The following BOD1L1 variants were observed in gnomAD, a reference collection of about 807,000 sequenced individuals.
The protein encoded by BOD1L1 is biorientation of chromosomes in cell division protein 1-like 1.
Under a neutral mutation model 240.7 loss-of-function variants are expected in BOD1L1, and 86 were observed. That is an observed-to-expected ratio of 0.36 (90% CI 0.30 to 0.43). The LOEUF is 0.43. Ranked by LOEUF, BOD1L1 falls within the 20% of genes least tolerant of loss-of-function variation. BOD1L1 has a pLI of 1.00. For synonymous variants in BOD1L1, 1,268 were observed against 1,272.3 expected (o/e 1.00, Z 0.07); for missense variants, 3,554 against 3,643.5 (o/e 0.98, Z 0.63).
At chr4:13,611,263 T>C (rs1032205767) in intron 5 of BOD1L1, among the ~76,000 whole-genome samples, 163 bp from the exon 6 acceptor site, 2 of 152,222 alleles carry the variant, frequency 1.3e-5, no homozygotes, top group African/African-American at 4.8e-5. Context: ...AATTCATATT[T>C]TTATTTCTTA....
chr4:13,605,029 T>C lies in BOD1L1; in HGVS notation c.1871A>G (p.Lys624Arg), dbSNP rs1715581330. 6.2e-6 allele frequency: 10 copies of C among 1,601,808 alleles called. No homozygotes were observed. Among genetic ancestry groups the C allele is most frequent in the Non-Finnish European group, 7.6e-6 (9 of 1,176,708 alleles). Residue 624 changes from lysine (K) to arginine (R), a missense_variant, in exon 10 of 26, where the codon AAA becomes AGA. Around this residue, in one of 2 missense-constraint regions of BOD1L1, gnomAD observed 3,393 missense variants for 3,427.1 expected, o/e 0.99. Transcript: ENST00000040738. The stretch of plus-strand genomic sequence containing the variant: ...CCGGGCAGGTTTACTTGGTTCACTT[T>C]TTGCATGAACATGCTTCAGCTCCTT... The part of the protein sequence containing the change: ...SSKELKHVHA[K>R]SEPSKPARRL...
At chr4:13,607,589 C>T (rs1262913933) in intron 8 of BOD1L1, among the ~76,000 whole-genome samples, 7 of 152,166 alleles carry the variant, frequency 4.6e-5, no homozygotes, top group African/African-American at 1.7e-4. Flanking sequence ...TGAGCCACCG[C>T]GCCCAGCTGT....
At position 13,573,470 on chromosome 4, in the gene BOD1L1, A is replaced by ATCTATCTT. The variant is rs71169517; in HGVS notation, c.9039-3343_9039-3342insAAGATAGA. Among the ~76,000 whole-genome samples, 385 of 122,708 alleles carry ATCTATCTT rather than the reference A, an allele frequency of 3.1e-3. 3 individuals carry two copies. The highest frequency in any genetic ancestry group is 0.024 in the Middle Eastern group (5 of 206). 80.5% of individuals were successfully genotyped at this position (122,708 alleles called of 152,430 possible). A position where few individuals can be genotyped will look rare whatever the true frequency, so the allele number is the denominator to read the frequency against. ...TATCTATCTATCTATCTATCTATCT[A>ATCTATCTT]TCTTTCTTTCTTTCTTTCTTTCTTT... On this transcript the variant is annotated intron_variant, in intron 25 of 25. Transcript: ENST00000040738.
Position 13,602,743 on chromosome 4 carries a change from A to G in BOD1L1, c.4157T>C (p.Leu1386Pro), listed in dbSNP as rs763337239. 1.2e-6 allele frequency: 2 copies of G among 1,614,040 alleles called. No individual in the cohort carries two copies. Among genetic ancestry groups the G allele is most frequent in the Non-Finnish European group, 1.7e-6 (2 of 1,179,900 alleles). Reference protein sequence around the residue: ...DGKQGKVIMPLGSKLTGVIVE... With the variant: ...DGKQGKVIMPPGSKLTGVIVE... Reference sequence around the variant, plus strand: ...AATCACGCCCGTTAACTTACTTCCAAGAGGCATGATTACCTTTCCTTGTTT... The same window carrying G: ...AATCACGCCCGTTAACTTACTTCCAGGAGGCATGATTACCTTTCCTTGTTT... Residue 1386 changes from leucine to proline, a missense_variant, in exon 10 of 26, where the codon CTT (leucine) becomes CCT (proline). Around this residue, in one of 2 missense-constraint regions of BOD1L1, gnomAD observed 3,393 missense variants for 3,427.1 expected, o/e 0.99. Coordinates refer to ENST00000040738, the MANE Select transcript of BOD1L1 (RefSeq NM_148894.3).
chr4:13,581,034 T>C lies in BOD1L1; in HGVS notation c.8689A>G (p.Thr2897Ala), dbSNP rs751400291. Residue 2897 changes from threonine (T) to alanine (A), a missense_variant, in exon 21 of 26, where the codon ACT becomes GCT. Thr to Ala is a moderately conservative substitution (Grantham distance 58). Around this residue, in one of 2 missense-constraint regions of BOD1L1, gnomAD observed 3,393 missense variants for 3,427.1 expected, o/e 0.99. Coordinates refer to ENST00000040738, the MANE Select transcript of BOD1L1 (RefSeq NM_148894.3). ...CAATTACTTACAGTGACAATGCCAG[T>C]ATCTGTTTTGGAGTCGTCTTCTAAA... ...LKMKDDSKTD[T>A]GIVTVEQSPS... 6.4e-7 allele frequency: 1 copy of C among 1,574,584 alleles called. No individual in the cohort carries two copies. The highest frequency in any genetic ancestry group is 2.3e-5 in the East Asian group (1 of 43,780).
chr4:13,573,042 C>A (rs1017696538), intron 25 of BOD1L1, among the ~76,000 whole-genome samples: 1 of 152,096 alleles, frequency 6.6e-6, no homozygotes, highest in Non-Finnish European at 1.5e-5. Context: ...GTGACACTAT[C>A]TTTGTTCTTA....
intron 16 of BOD1L1, among the ~76,000 whole-genome samples, chr4:13,587,259 T>C (rs1713777720): frequency 6.6e-6 from 1 of 152,206 alleles, no homozygotes; most frequent in South Asian, 2.1e-4. Flanking sequence ...ACAAAATAAA[T>C]GTACAAGACT....
chr4:13,569,929 A>C lies in BOD1L1; in HGVS notation c.*82T>G. 2.8e-6 allele frequency: 3 copies of C among 1,053,288 alleles called. No individual in the cohort carries two copies. Among genetic ancestry groups the C allele is most frequent in the Non-Finnish European group, 3.9e-6 (3 of 774,384 alleles). The allele number at this position is 1,053,288 out of a possible 1,614,324, so 65.2% of individuals were successfully genotyped here. On this transcript the variant is annotated 3_prime_UTR_variant, in exon 26 of 26. Coordinates refer to ENST00000040738, the MANE Select transcript of BOD1L1 (RefSeq NM_148894.3). Reference sequence around the variant, plus strand: ...CACATGCATATCTTTTTCCTGGTTAAAGAGAAGCCTATGGCCACCAAGGCA... The same window carrying C: ...CACATGCATATCTTTTTCCTGGTTACAGAGAAGCCTATGGCCACCAAGGCA...
chr4:13,614,682 T>C lies in BOD1L1; in HGVS notation c.688A>G (p.Ser230Gly), dbSNP rs1716442971. Residue 230 changes from serine to glycine, a missense_variant, in exon 4 of 26, where the codon AGT becomes GGT. This residue lies in a region of BOD1L1 where 3,393 missense variants were observed against 3,427.1 expected (regional missense o/e 0.99). Transcript: ENST00000040738. ...GGAAGTTTTTTTGACGCTCTCTCAC[T>C]GGTCTTGGCATTTGATGTTTCTGTT... is the stretch of plus-strand genomic sequence containing the variant. ...ASTETSNAKT[S>G]ERASKKLPSQ... 1 of 1,613,962 alleles carries C rather than the reference T, an allele frequency of 6.2e-7. No individual in the cohort carries two copies. Among genetic ancestry groups the C allele is most frequent in the South Asian group, 1.1e-5 (1 of 91,084 alleles).
At chr4:13,625,326 A>G (rs1027658810) in intron 1 of BOD1L1, 2 of 152,234 alleles carry the variant, frequency 1.3e-5, no homozygotes, top group African/African-American at 4.8e-5. Context: ...TCTGAAGTAG[A>G]AAAACAGCGT....
chr4:13,572,717 G>C, intron 25 of BOD1L1: 1 of 1,289,830 alleles, frequency 7.8e-7, no homozygotes, highest in Non-Finnish European at 1.0e-6. Context: ...TAATGGGGGA[G>C]AGTTACTAAC....
chr4:13,571,627 A>G (rs932891990), intron 25 of BOD1L1, among the ~76,000 whole-genome samples: 2 of 152,164 alleles, frequency 1.3e-5, no homozygotes, highest in African/African-American at 4.8e-5. Flanking sequence ...AGGCCCTTCT[A>G]GTCCACCCAG....
At position 13,615,461 on chromosome 4, in the gene BOD1L1, T is replaced by G; in HGVS notation, c.410A>C (p.Gln137Pro). 6.2e-7 allele frequency: 1 copy of G among 1,612,696 alleles called. No individual in the cohort carries two copies. The highest frequency in any genetic ancestry group is 8.5e-7 in the Non-Finnish European group (1 of 1,179,140). ...GTGGTTGATCTTTGGGTCCACAACC[T>G]GAGAAATAATTCGGTCAATACCAGA... ...LESGIDRIISQVVDPKINHTF... is the reference protein window; with the variant it reads ...LESGIDRIISPVVDPKINHTF... The change falls in exon 3 of 26, where the codon CAG becomes CCG. Residue 137 changes from glutamine to proline, a missense_variant. Gln to Pro is a moderately conservative substitution (Grantham distance 76). Coordinates refer to ENST00000040738, the MANE Select transcript of BOD1L1 (RefSeq NM_148894.3).
intron 25 of BOD1L1, among the ~76,000 whole-genome samples, chr4:13,571,430 A>G (rs1222958138): frequency 1.3e-5 from 2 of 152,222 alleles, no homozygotes; most frequent in Non-Finnish European, 2.9e-5. Context: ...ATGTGTTGAC[A>G]ATGACTGAAA....
chr4:13,614,655 A>G lies in BOD1L1; in HGVS notation c.715T>C (p.Ser239Pro), dbSNP rs780621598. 4 of 1,613,802 alleles carry G rather than the reference A, an allele frequency of 2.5e-6. No homozygotes were observed. The highest frequency in any genetic ancestry group is 3.4e-6 in the Non-Finnish European group (4 of 1,179,838). The change falls in exon 4 of 26, where the codon TCT (serine) becomes CCT (proline). Residue 239 changes from serine to proline, a missense_variant. Around this residue, in one of 2 missense-constraint regions of BOD1L1, gnomAD observed 3,393 missense variants for 3,427.1 expected, o/e 0.99. Transcript: ENST00000040738. ...TSERASKKLP[S>P]QPTTDTSTDK... ...GTACTAGTATCAGTGGTTGGCTGAGATGGAAGTTTTTTTGACGCTCTCTCA... is the reference window on the plus strand; with the variant it reads ...GTACTAGTATCAGTGGTTGGCTGAGGTGGAAGTTTTTTTGACGCTCTCTCA...
chr4:13,609,453 C>T, intron 6 of BOD1L1, 47 bp from the exon 7 acceptor site: 1 of 1,203,238 alleles, frequency 8.3e-7, no homozygotes, highest in Non-Finnish European at 1.1e-6. Context: ...AAGGCAAAAA[C>T]ACACTGAAAA....
Position 13,608,514 on chromosome 4 carries a change from C to A in BOD1L1, c.1742+16G>T. On this transcript the variant is annotated intron_variant, in intron 8 of 25. Transcript: ENST00000040738. ...GGGAGTGTTATAAGGGAAACATGAC[C>A]AGATAAAATATGTACCTTGAATCTT... The A allele has an allele frequency of 6.6e-7, 1 of 1,510,116 alleles. No individual in the cohort carries two copies. Among genetic ancestry groups the A allele is most frequent in the Non-Finnish European group, 8.8e-7 (1 of 1,134,048 alleles). The allele number at this position is 1,510,116 out of a possible 1,614,324, so 93.5% of individuals were successfully genotyped here.
At chr4:13,590,585 A>T (rs1362186961) in intron 13 of BOD1L1, 139 bp from the exon 14 acceptor site, 1 of 425,794 alleles carries the variant, frequency 2.3e-6, no homozygotes, top group Non-Finnish European at 4.3e-6. Flanking sequence ...ATTCTTTTTA[A>T]TTTCACCCAG....
chr4:13,579,963 G>A lies in BOD1L1; in HGVS notation c.8714C>T (p.Ser2905Phe). The A allele has an allele frequency of 1.9e-6, 3 of 1,557,596 alleles. No individual in the cohort carries two copies. Among genetic ancestry groups the A allele is most frequent in the Non-Finnish European group, 2.6e-6 (3 of 1,149,402 alleles). Residue 2905 changes from serine to phenylalanine, a missense_variant, in exon 22 of 26, where the codon TCT becomes TTT. By Grantham distance (155) the Ser-to-Phe change is radical (BLOSUM62 -2). Transcript: ENST00000040738. The stretch of plus-strand genomic sequence containing the variant: ...TACTTTCAGTTTGCTGCTAGATGGA[G>A]ATTGTTCTACCTATGTTTAAATAAA... ...TDTGIVTVEQ[S>F]PSSSKLKVMQ...
Sources: gnomAD v4.1 joint callset for allele counts (sites outside exome capture counted in the v4.1 genomes callset) on GRCh38, gnomAD v4.1.1 for gene constraint, gnomAD v4.1.1 regional missense constraint, MANE v1.5 for transcripts, NCBI Gene and HGNC (gene_info 2026-07-23, HGNC 2026-07-21) for gene names.